ANKRD54: variants seen among roughly 807,000 people sequenced by gnomAD.
ANKRD54 encodes the protein ankyrin repeat domain-containing protein 54.
In ANKRD54, 26 loss-of-function variants were observed where a neutral mutation model predicts 36.2. The observed-to-expected ratio is 0.72, with a 90% CI of 0.53 to 1.00. The LOEUF (loss-of-function observed/expected upper bound fraction) is 1.00, where lower values mean the gene tolerates loss of function less well. ANKRD54 is among the 50% of genes least tolerant of loss of function. ANKRD54 has a pLI of 0.00. For missense variants in ANKRD54, 384 were observed against 424.3 expected (o/e 0.91, Z 0.83); for synonymous variants, 209 against 188.4 (o/e 1.11, Z -0.89).
upstream of ANKRD54, among the ~76,000 whole-genome samples, chr22:37,845,347 G>A (rs1228895659): frequency 6.6e-6 from 1 of 152,142 alleles, no homozygotes; most frequent in Non-Finnish European, 1.5e-5. Flanking sequence ...AAACAAATAA[G>A]TGTTCCTCAA....
rs751096304 is a variant in ANKRD54 at position 37,844,104 on chromosome 22, C to A, written c.135G>T (p.Ala45=). 4.2e-5 allele frequency: 62 copies of A among 1,481,660 alleles called. No homozygotes were observed. Among genetic ancestry groups the A allele is most frequent in the Non-Finnish European group, 3.6e-5 (41 of 1,123,742 alleles). 91.8% of individuals were successfully genotyped at this position (1,481,660 alleles called of 1,614,324 possible). ...AGAGGCCCGCGCCGCCGCCGCCCAG[C>A]GCAGACCCGAAGTCAGCGAAGGAGA... ...GLFSFADFGS[A]LGGGGAGLSG... The change falls in exon 1 of 8, where the codon GCG becomes GCT. Residue 45 remains alanine (A), a synonymous_variant. Transcript: ENST00000215941.
At chr22:37,846,188 A>G (rs186500989), upstream of ANKRD54, among the ~76,000 whole-genome samples, 40 of 152,338 alleles carry the variant, frequency 2.6e-4, no homozygotes, top group Admixed American at 4.6e-4. Flanking sequence ...AAGAAAAAAA[A>G]AAGTAATCTT....
At chr22:37,846,153 C>T (rs573855132), upstream of ANKRD54, among the ~76,000 whole-genome samples, 17 of 151,434 alleles carry the variant, frequency 1.1e-4, no homozygotes, top group South Asian at 6.3e-4. Flanking sequence ...CCAGTCTGGG[C>T]GACAGAGAAA....
chr22:37,831,922 G>A lies in ANKRD54; in HGVS notation c.*21C>T, dbSNP rs201693202. 54 of 1,611,942 alleles carry A rather than the reference G, an allele frequency of 3.4e-5. No individual in the cohort carries two copies. In the African/African-American group the frequency reaches 6.7e-4, roughly 20 times the overall value. ...GTGGGGCAGGGTGGGGCAGTGGCAG[G>A]AAGGCAGGGAGCCTCTCTTGCTACC... On this transcript the variant is annotated 3_prime_UTR_variant, in exon 8 of 8. Coordinates refer to ENST00000215941, the MANE Select transcript of ANKRD54 (RefSeq NM_138797.4).
chr22:37,849,277 C>G (rs755741098), upstream of ANKRD54: 1 of 789,280 alleles, frequency 1.3e-6, no homozygotes, highest in Non-Finnish European at 2.2e-6. Flanking sequence ...CAGGTGTGAG[C>G]CACGGAACGC....
At chr22:37,845,515 G>A (rs763676592), upstream of ANKRD54, among the ~76,000 whole-genome samples, 8 of 152,154 alleles carry the variant, frequency 5.3e-5, no homozygotes, top group South Asian at 2.1e-4. Flanking sequence ...AGCTCTCACC[G>A]GACCAGGTCT....
rs73883942 is a variant in ANKRD54 at position 37,833,910 on chromosome 22, T to C, written c.476-155A>G. ...TCATTCATTCACTCACTCACTCACT[T>C]ACTTACCAGAGTTCATGGGCAAAGC... On this transcript the variant is annotated intron_variant, in intron 3 of 7. Transcript: ENST00000215941. 1,521 of 677,706 alleles carry C rather than the reference T, an allele frequency of 2.2e-3. 14 individuals are homozygous for C. The highest frequency in any genetic ancestry group is 0.02 in the African/African-American group (1,101 of 56,336). 42.0% of individuals were successfully genotyped at this position (677,706 alleles called of 1,614,324 possible).
chr22:37,837,362 A>C (rs562845132), intron 3 of ANKRD54, among the ~76,000 whole-genome samples: 2 of 152,342 alleles, frequency 1.3e-5, no homozygotes, highest in Admixed American at 1.3e-4. Flanking sequence ...AAGAATGTTC[A>C]CAACACTTCA....
At chr22:37,838,711 C>T (rs1420227442) in intron 2 of ANKRD54, 113 bp from the exon 3 acceptor site, 4 of 1,006,514 alleles carry the variant, frequency 4.0e-6, no homozygotes, top group Admixed American at 2.2e-5. Flanking sequence ...AAGACATCGA[C>T]AATGCATAGG....
At chr22:37,834,697 C>CAAAAAAAAAAAAAAAAAAA (rs67811223) in intron 3 of ANKRD54, 1 of 43,380 alleles carries the variant, frequency 2.3e-5, no homozygotes, top group Non-Finnish European at 3.7e-5. Flanking sequence ...GACCCTGTCT[C>CAAAAAAAAAAAAAAAAAAA]AAAAAAAAAA....
intron 2 of ANKRD54, among the ~76,000 whole-genome samples, chr22:37,839,708 C>T (rs891487297): frequency 7.2e-5 from 11 of 152,088 alleles, no homozygotes; most frequent in Non-Finnish European, 5.9e-5. Context: ...TTTGTAGAGA[C>T]GAGGTCTCCC....
chr22:37,846,218 C>G (rs1267404921), upstream of ANKRD54, among the ~76,000 whole-genome samples: 1 of 152,120 alleles, frequency 6.6e-6, no homozygotes, highest in Admixed American at 6.5e-5. Flanking sequence ...ATTGGAAAAG[C>G]ACTTCCAGAA....
At chr22:37,846,126 G>C (rs1050946104), upstream of ANKRD54, among the ~76,000 whole-genome samples, 1 of 151,976 alleles carries the variant, frequency 6.6e-6, no homozygotes, top group African/African-American at 2.4e-5. Context: ...GGTGAGCCGA[G>C]ATCGCACCAC....
chr22:37,831,667 A>C lies in ANKRD54; in HGVS notation c.*276T>G. On this transcript the variant is annotated 3_prime_UTR_variant, in exon 8 of 8. Transcript: ENST00000215941. ...CTGCTGAGATAGCGCAGGTCTGCGG[A>C]GCTGAAGTGCAGCTGCAGAGGCTGG... The C allele has an allele frequency of 2.0e-6, 1 of 509,574 alleles. No individual in the cohort carries two copies. The highest frequency in any genetic ancestry group is 3.6e-6 in the Non-Finnish European group (1 of 281,356). 31.6% of individuals were successfully genotyped at this position (509,574 alleles called of 1,614,324 possible).
At chr22:37,847,002 C>G (rs1459841958), upstream of ANKRD54, among the ~76,000 whole-genome samples, 2 of 145,644 alleles carry the variant, frequency 1.4e-5, no homozygotes, top group African/African-American at 5.1e-5. Flanking sequence ...TACAGGCGCC[C>G]GCCACTACGC....
In ANKRD54 at chr22:37,843,964, C is replaced by T; in HGVS notation, c.275G>A (p.Arg92Lys). Residue 92 changes from arginine to lysine, a missense_variant, in exon 1 of 8, where the codon AGG (arginine) becomes AAG (lysine). Around this residue, in one of 3 missense-constraint regions of ANKRD54, gnomAD observed 195 missense variants for 177.7 expected, o/e 1.10. Transcript: ENST00000215941. ...CCGCCGGTGGGGCCTGGCAGCGCGC[C>T]TCAGCCGGCCAGCGGGTATCTTGCA... ...LRCKIPAGRL[R>K]RAARPHRRLG... 7.1e-7 allele frequency: 1 copy of T among 1,408,474 alleles called. No individual in the cohort carries two copies. The highest frequency in any genetic ancestry group is 1.5e-5 in the African/African-American group (1 of 66,850). 87.2% of individuals were successfully genotyped at this position (1,408,474 alleles called of 1,614,324 possible).
chr22:37,843,896 G>A lies in ANKRD54; in HGVS notation c.328+15C>T, dbSNP rs910809018. 3.0e-5 allele frequency: 36 copies of A among 1,217,520 alleles called. No homozygotes were observed. The Admixed American group carries it at 1.3e-3, about 45-fold the overall frequency. 75.4% of individuals were successfully genotyped at this position (1,217,520 alleles called of 1,614,324 possible). On this transcript the variant is annotated intron_variant, in intron 1 of 7. Coordinates refer to ENST00000215941, the MANE Select transcript of ANKRD54 (RefSeq NM_138797.4). Reference sequence around the variant, plus strand: ...CTGCCCCGCCCCGGGCCCCCGCGCCGCTCGCGCCGCTCACCGTGCACCTCC... The same window carrying A: ...CTGCCCCGCCCCGGGCCCCCGCGCCACTCGCGCCGCTCACCGTGCACCTCC...
In ANKRD54 at chr22:37,831,942, G is replaced by A; in HGVS notation, c.*1C>T. ...GGCAGGAAGGCAGGGAGCCTCTCTT[G>A]CTACCTCTTCTCCATGCTCTGCATC... On this transcript the variant is annotated 3_prime_UTR_variant, in exon 8 of 8. Coordinates refer to ENST00000215941, the MANE Select transcript of ANKRD54 (RefSeq NM_138797.4). 2 of 1,613,408 alleles carry A rather than the reference G, an allele frequency of 1.2e-6. No individual in the cohort carries two copies. Among genetic ancestry groups the A allele is most frequent in the South Asian group, 2.2e-5 (2 of 90,880 alleles).
rs1922902579 is a variant in ANKRD54 at position 37,831,731 on chromosome 22, G to T, written c.*212C>A. Reference sequence around the variant, plus strand: ...GAACTGGAAGAAGCTGGGAGCTGTGGTCCCTGTCCACAGAGATGCTGGAAA... The same window carrying T: ...GAACTGGAAGAAGCTGGGAGCTGTGTTCCCTGTCCACAGAGATGCTGGAAA... On this transcript the variant is annotated 3_prime_UTR_variant, in exon 8 of 8. Transcript: ENST00000215941. The T allele has an allele frequency of 1.7e-6, 1 of 580,756 alleles. No homozygotes were observed. The highest frequency in any genetic ancestry group is 3.0e-5 in the Admixed American group (1 of 33,396). The allele number at this position is 580,756 out of a possible 1,614,324, so 36.0% of individuals were successfully genotyped here.
Sources: allele counts gnomAD v4.1 joint callset (sites outside exome capture counted in the v4.1 genomes callset), GRCh38; gene constraint gnomAD v4.1.1; regional missense constraint gnomAD v4.1.1; transcripts MANE v1.5; gene names NCBI Gene and HGNC (gene_info 2026-07-23, HGNC 2026-07-21).